MEAF6: variants seen among roughly 807,000 people sequenced by gnomAD.
MEAF6 encodes the protein MYST/Esa1 associated factor 6, also known as chromatin modification-related protein MEAF6.
A neutral mutation model predicts 28.9 loss-of-function variants in MEAF6; 15 were observed. That is an observed-to-expected ratio of 0.52 (90% CI 0.35 to 0.80). The LOEUF is 0.80. MEAF6 is among the 30% of genes least tolerant of loss of function. The probability of loss-of-function intolerance (pLI) is 0.01; values close to 1 mark genes in which losing one functional copy is unlikely to be tolerated. For missense variants in MEAF6, 178 were observed against 237.5 expected, an observed-to-expected ratio of 0.75 and a Z score of 1.65; for synonymous variants, 97 against 88.7, an observed-to-expected ratio of 1.09 and a Z score of -0.53.
chr1:37,503,657 T>TC (rs1453186204), intron 4 of MEAF6, among the ~76,000 whole-genome samples: 9 of 70,650 alleles, frequency 1.3e-4, no homozygotes, highest in Non-Finnish European at 2.1e-4. Flanking sequence ...CAAGACTGTC[T>TC]CAAAAAAAAA....
At chr1:37,511,297 T>C (rs1036332587) in intron 2 of MEAF6, among the ~76,000 whole-genome samples, 6 of 151,992 alleles carry the variant, frequency 3.9e-5, no homozygotes, top group Non-Finnish European at 7.4e-5. Context: ...CTGGGACAAA[T>C]GTGGGAGAAT....
chr1:37,501,080 A>G (rs1642285913), intron 5 of MEAF6: 1 of 153,992 alleles, frequency 6.5e-6, no homozygotes, highest in Non-Finnish European at 1.5e-5. Flanking sequence ...CTGAGTTAAC[A>G]ATCCCCAGCA....
intron 4 of MEAF6, among the ~76,000 whole-genome samples, chr1:37,505,409 C>T (rs1167545223): frequency 1.3e-5 from 2 of 152,128 alleles, no homozygotes; most frequent in Admixed American, 6.6e-5. Flanking sequence ...GCCCATGGGC[C>T]GCAAGCAGCC....
chr1:37,508,958 G>A (rs2148084358), intron 4 of MEAF6, among the ~76,000 whole-genome samples: 1 of 152,314 alleles, frequency 6.6e-6, no homozygotes, highest in South Asian at 2.1e-4. Flanking sequence ...TTAGCCAGGT[G>A]TGGTGACAGA....
intron 1 of MEAF6, 38 bp downstream of exon 1, chr1:37,514,619 G>T: frequency 7.0e-7 from 1 of 1,437,786 alleles, no homozygotes; most frequent in Non-Finnish European, 9.2e-7. Flanking sequence ...GGCGGGCGCG[G>T]AGCCCCATGC....
At chr1:37,495,593 G>A (rs1569951987) in intron 6 of MEAF6, among the ~76,000 whole-genome samples, 1 of 146,832 alleles carries the variant, frequency 6.8e-6, no homozygotes, top group East Asian at 2.1e-4. Flanking sequence ...AGCTACTCGG[G>A]AGGCCAAGCA....
chr1:37,509,664 CT>C, intron 2 of MEAF6, 122 bp from the exon 3 acceptor site: 1 of 772,030 alleles, frequency 1.3e-6, no homozygotes, highest in Non-Finnish European at 2.1e-6. Context: ...CCCAAACGAC[CT>C]TTATGCTGAA....
rs1478774519 is a variant in MEAF6, at chr1:37,492,576, A to C, written c.*1523T>G. ...AGCCAGAGTCAAAAAAAAAAAAAAA[A>C]AAAAACCCACAAAAGTTTATTTGAG... On this transcript the variant is annotated 3_prime_UTR_variant, in exon 7 of 7. Transcript: ENST00000296214. 6.6e-6 allele frequency: 1 copy of C among 151,910 alleles called. No homozygotes were observed. The highest frequency in any genetic ancestry group is 1.5e-5 in the Non-Finnish European group (1 of 67,876). The allele number at this position is 151,910 out of a possible 1,614,324, so 9.4% of individuals were successfully genotyped here.
chr1:37,507,707 G>A (rs111616567), intron 4 of MEAF6, among the ~76,000 whole-genome samples: 71 of 151,984 alleles, frequency 4.7e-4, no homozygotes, highest in African/African-American at 1.6e-3. Flanking sequence ...CAGGCCGGGC[G>A]CAGTGGCTCA....
chr1:37,493,872 C>A lies in MEAF6; in HGVS notation c.*227G>T. 1.3e-6 allele frequency: 2 copies of A among 1,558,676 alleles called. No individual in the cohort carries two copies. The highest frequency in any genetic ancestry group is 1.7e-6 in the Non-Finnish European group (2 of 1,153,230). On this transcript the variant is annotated 3_prime_UTR_variant, in exon 7 of 7. Transcript: ENST00000296214. ...GCTGGGATTACAACATTGTCTTCAT[C>A]TTCCTGCAGTTCTGTTACTAAAAAT...
chr1:37,494,104 A>C lies in MEAF6; in HGVS notation c.571T>G (p.Tyr191Asp). ...CTTCTGCACTAATGTGTCTTCTAATAGTCCTAAAGAAAGAAAAACAAAAGT... is the reference window on the plus strand; with the variant it reads ...CTTCTGCACTAATGTGTCTTCTAATCGTCCTAAAGAAAGAAAAACAAAAGT... The part of the protein sequence containing the change: ...LKLNKKPRAD[Y>D] Residue 191 changes from tyrosine to aspartate, a missense_variant, in exon 7 of 7, where the codon TAT becomes GAT. Tyr to Asp is a radical substitution (Grantham distance 160). Transcript: ENST00000296214. 1 of 1,612,902 alleles carries C rather than the reference A, an allele frequency of 6.2e-7. No individual in the cohort carries two copies. Among genetic ancestry groups the C allele is most frequent in the Non-Finnish European group, 8.5e-7 (1 of 1,179,520 alleles).
Position 37,490,113 on chromosome 1 carries a change from C to A in MEAF6, c.*3986G>T, listed in dbSNP as rs752266226. Among the ~76,000 whole-genome samples the A allele has an allele frequency of 1.3e-5, 2 of 151,850 alleles. No homozygotes were observed. Among genetic ancestry groups the A allele is most frequent in the South Asian group, 4.2e-4 (2 of 4,806 alleles). On this transcript the variant is annotated 3_prime_UTR_variant, in exon 7 of 7. Transcript: ENST00000296214. ...AAGTGAGAAACTAAATAAGGCTGAG[C>A]CTCAAAATGAATATAAATCAAAGGC...
At chr1:37,506,445 C>T (rs1642485191) in intron 4 of MEAF6, among the ~76,000 whole-genome samples, 1 of 152,192 alleles carries the variant, frequency 6.6e-6, no homozygotes, top group African/African-American at 2.4e-5. Context: ...GTGGCACAAT[C>T]ACTGCAGCCT....
Position 37,501,854 on chromosome 1 carries a change from T to G in MEAF6, c.483A>C (p.Ser161=). 1 of 1,607,226 alleles carries G rather than the reference T, an allele frequency of 6.2e-7. No individual in the cohort carries two copies. The highest frequency in any genetic ancestry group is 8.5e-7 in the Non-Finnish European group (1 of 1,174,868). Residue 161 remains serine, a synonymous_variant, in exon 5 of 7, where the codon TCA becomes TCC. Transcript: ENST00000296214. ...KPQKAASSTS[S]GSHHSSHKKR... is the part of the protein sequence containing the mutation. ...TTTTATGGCTGCTGTGGTGACTCCC[T>G]GAGGAAGTAGAAGAAGCAGCCTTCT...
chr1:37,506,641 C>T (rs1569979309), intron 4 of MEAF6, among the ~76,000 whole-genome samples: 2 of 152,144 alleles, frequency 1.3e-5, no homozygotes, highest in South Asian at 4.1e-4. Flanking sequence ...CCTCGGCCTC[C>T]CAAAGTGCTG....
intron 5 of MEAF6, among the ~76,000 whole-genome samples, chr1:37,499,382 G>C (rs1484764853): frequency 6.6e-6 from 1 of 152,090 alleles, no homozygotes; most frequent in African/African-American, 2.4e-5. Flanking sequence ...AATGTACATA[G>C]ACACCATGCT....
chr1:37,495,697 C>CAA (rs1373520573), intron 6 of MEAF6, among the ~76,000 whole-genome samples, 188 bp downstream of exon 6: 3 of 92,666 alleles, frequency 3.2e-5, no homozygotes, highest in Non-Finnish European at 6.6e-5. Flanking sequence ...AAAAAAAAAA[C>CAA]AAAAAACAAA....
rs184581420 is a variant in MEAF6 at position 37,498,364 on chromosome 1, A to T, written c.534-2446T>A. Among the ~76,000 whole-genome samples the T allele has an allele frequency of 9.2e-3, 1,397 of 151,698 alleles. 15 individuals are homozygous for T. The highest frequency in any genetic ancestry group is 0.021 in the Middle Eastern group (6 of 288). ...CAAAACTTTACAGACTATCTAAAGT[A>T]ATTTTTTATAGTAACAGAAACTTAT... On this transcript the variant is annotated intron_variant, in intron 5 of 6. Coordinates refer to ENST00000296214, the MANE Select transcript of MEAF6 (RefSeq NM_001270875.3).
chr1:37,508,252 C>T (rs1205979649), intron 4 of MEAF6, among the ~76,000 whole-genome samples: 1 of 149,668 alleles, frequency 6.7e-6, no homozygotes, highest in Non-Finnish European at 1.5e-5. Context: ...ACAGGTACAT[C>T]CTATTTACAG....
Sources: gnomAD v4.1 joint callset for allele counts (sites outside exome capture counted in the v4.1 genomes callset) on GRCh38, gnomAD v4.1.1 for gene constraint, MANE v1.5 for transcripts, NCBI Gene and HGNC (gene_info 2026-07-23, HGNC 2026-07-21) for gene names.